EYS: variants seen among roughly 807,000 people sequenced by gnomAD.
EYS encodes the protein protein eyes shut homolog.
In EYS, 250 loss-of-function variants were observed where a neutral mutation model predicts 282.1. The ratio of observed to expected loss-of-function variants is 0.89; its 90% CI spans 0.80 to 0.98. The LOEUF (loss-of-function observed/expected upper bound fraction) is 0.98, where lower values mean the gene tolerates loss of function less well. Among genes scored for constraint, EYS ranks in the 50% least tolerant of loss-of-function variants. EYS has a pLI of 0.00. For missense variants in EYS, 4,016 were observed against 3,709.0 expected (o/e 1.08, Z -2.15); for synonymous variants, 1,355 against 1,282.9 (o/e 1.06, Z -1.20).
chr6:65,121,295 A>T (rs1213400659), intron 12 of EYS, among the ~76,000 whole-genome samples: 3 of 152,166 alleles, frequency 2.0e-5, no homozygotes, highest in Admixed American at 6.6e-5. Context: ...AGAGATGGGG[A>T]TGAAACTTAT....
chr6:64,824,781 A>G (rs902694564), intron 19 of EYS, among the ~76,000 whole-genome samples: 1 of 151,914 alleles, frequency 6.6e-6, no homozygotes, highest in African/African-American at 2.4e-5. Context: ...TCTCTCCATA[A>G]AAGGCAAACA....
intron 23 of EYS, among the ~76,000 whole-genome samples, chr6:64,625,074 A>G (rs1767562390): frequency 6.6e-6 from 1 of 152,150 alleles, no homozygotes. Flanking sequence ...TCCCCTACAT[A>G]TATTCCTGAG....
chr6:65,126,506 CAG>C (rs1037297479), intron 12 of EYS, among the ~76,000 whole-genome samples: 12 of 152,010 alleles, frequency 7.9e-5, no homozygotes, highest in Admixed American at 7.9e-4. Context: ...TTTTAAGTGC[CAG>C]TTAATAGGCA....
At chr6:64,139,855 G>T (rs1774281956) in intron 31 of EYS, among the ~76,000 whole-genome samples, 1 of 151,886 alleles carries the variant, frequency 6.6e-6, no homozygotes, top group Non-Finnish European at 1.5e-5. Context: ...TGTAATCCTA[G>T]CTACTTGGGA....
At chr6:64,563,955 AG>A (rs1209941098) in intron 26 of EYS, among the ~76,000 whole-genome samples, 1 of 151,890 alleles carries the variant, frequency 6.6e-6, no homozygotes, top group Non-Finnish European at 1.5e-5. Flanking sequence ...AATTATCAGA[AG>A]TATTACATTT....
chr6:64,761,947 C>T (rs1022151068), intron 22 of EYS, among the ~76,000 whole-genome samples: 20 of 151,878 alleles, frequency 1.3e-4, no homozygotes, highest in African/African-American at 2.9e-4. Flanking sequence ...AGTTTCAATT[C>T]GATAGGAGAA....
At chr6:64,290,020 A>G (rs1216858667) in intron 30 of EYS, among the ~76,000 whole-genome samples, 1 of 152,084 alleles carries the variant, frequency 6.6e-6, no homozygotes, top group African/African-American at 2.4e-5. Flanking sequence ...CTACTGTACC[A>G]AGCAGTGTCT....
intron 2 of EYS, among the ~76,000 whole-genome samples, chr6:65,555,928 T>G (rs552068817): frequency 1.3e-5 from 2 of 152,354 alleles, no homozygotes; most frequent in East Asian, 3.9e-4. Flanking sequence ...AAATATATAA[T>G]TAAAATTAAT....
chr6:64,071,536 C>A (rs1398308158), intron 32 of EYS, among the ~76,000 whole-genome samples: 2 of 148,642 alleles, frequency 1.3e-5, no homozygotes, highest in Non-Finnish European at 3.0e-5. Context: ...TAAATAAAAT[C>A]TTTGACATTT....
intron 19 of EYS, among the ~76,000 whole-genome samples, chr6:64,864,583 AC>A (rs201911827): frequency 0.094 from 13,756 of 146,062 alleles, 822 homozygotes; most frequent in East Asian, 0.34. Context: ...ATGGGGATTC[AC>A]CATGTTGGCT....
At chr6:64,545,321 C>T (rs943572760) in intron 26 of EYS, among the ~76,000 whole-genome samples, 5 of 152,148 alleles carry the variant, frequency 3.3e-5, no homozygotes, top group Non-Finnish European at 7.4e-5. Context: ...AATTCAACGA[C>T]CCTTCATGCT....
At chr6:64,303,712 G>A (rs1236204939) in intron 30 of EYS, among the ~76,000 whole-genome samples, 2 of 151,314 alleles carry the variant, frequency 1.3e-5, no homozygotes, top group East Asian at 2.0e-4. Context: ...ATGGTGGCGC[G>A]CGCCTGTAGT....
At chr6:65,118,105 T>A (rs1252281862) in intron 12 of EYS, among the ~76,000 whole-genome samples, 2 of 152,194 alleles carry the variant, frequency 1.3e-5, no homozygotes, top group Admixed American at 6.5e-5. Flanking sequence ...AGAAGAAAGT[T>A]AACTGAGATT....
chr6:64,696,398 T>C (rs1770580267), intron 22 of EYS, among the ~76,000 whole-genome samples: 2 of 152,056 alleles, frequency 1.3e-5, no homozygotes, highest in Non-Finnish European at 2.9e-5. Context: ...ATGAATCATA[T>C]GTATTCCAGA....
At chr6:64,889,508 G>C (rs1184814175) in intron 18 of EYS, among the ~76,000 whole-genome samples, 1 of 151,970 alleles carries the variant, frequency 6.6e-6, no homozygotes, top group East Asian at 1.9e-4. Context: ...GTTGCGGGAA[G>C]TCAGGGACCC....
chr6:64,520,868 A>G (rs1300134418), intron 26 of EYS, among the ~76,000 whole-genome samples: 1 of 151,736 alleles, frequency 6.6e-6, no homozygotes, highest in Non-Finnish European at 1.5e-5. Flanking sequence ...GATCAGGAAA[A>G]GAGAAGCCAC....
intron 12 of EYS, among the ~76,000 whole-genome samples, chr6:65,167,839 G>A (rs774157136): frequency 6.6e-6 from 1 of 151,106 alleles, no homozygotes; most frequent in Non-Finnish European, 1.5e-5. Flanking sequence ...GTTGCTTGAG[G>A]TTCATTTGGT....
At chr6:63,766,518 G>A (rs1769792482) in intron 40 of EYS, among the ~76,000 whole-genome samples, 2 of 152,018 alleles carry the variant, frequency 1.3e-5, no homozygotes, top group South Asian at 4.1e-4. Context: ...ATTGCTGTGG[G>A]GATGCAGAGG....
At chr6:65,589,603 C>T (rs1189578209) in intron 2 of EYS, among the ~76,000 whole-genome samples, 1 of 151,764 alleles carries the variant, frequency 6.6e-6, no homozygotes, top group East Asian at 1.9e-4. Flanking sequence ...TTGGACTTAT[C>T]GCTGTATTGA....
Sources: gnomAD v4.1 joint callset for allele counts (sites outside exome capture counted in the v4.1 genomes callset) on GRCh38, gnomAD v4.1.1 for gene constraint, MANE v1.5 for transcripts, NCBI Gene and HGNC (gene_info 2026-07-23, HGNC 2026-07-21) for gene names.